EIF2S2: variants seen among roughly 807,000 people sequenced by gnomAD.
EIF2S2 encodes the protein eukaryotic translation initiation factor 2 subunit beta, also known as eukaryotic translation initiation factor 2 subunit 2.
A neutral mutation model predicts 44.0 loss-of-function variants in EIF2S2; 4 were observed. That is an observed-to-expected ratio of 0.09 (90% CI 0.04 to 0.21). The LOEUF is 0.21. Ranked by LOEUF, EIF2S2 falls within the 10% of genes least tolerant of loss-of-function variation. EIF2S2 has a pLI of 1.00. For missense variants in EIF2S2, 154 were observed against 392.0 expected (o/e 0.39, Z 5.13); for synonymous variants, 108 against 128.3 (o/e 0.84, Z 1.07).
At chr20:34,101,588 T>C (rs1393249640) in intron 3 of EIF2S2, among the ~76,000 whole-genome samples, 1 of 152,112 alleles carries the variant, frequency 6.6e-6, no homozygotes. Context: ...TCTAGTGCTA[T>C]ACTATTATTA....
rs181868303 is a variant in EIF2S2, at chr20:34,105,311, C to T, written c.193+57G>A. ...GTCGCTGCATATCCAAAAGCCAAAA[C>T]GCTCATAGAACCAGGGCTTCTATGA... On this transcript the variant is annotated intron_variant, in intron 2 of 8. Coordinates refer to ENST00000374980, the MANE Select transcript of EIF2S2 (RefSeq NM_003908.5). 4.4e-5 allele frequency: 69 copies of T among 1,569,506 alleles called. No homozygotes were observed. The East Asian group carries it at 1.1e-3, about 25-fold the overall frequency.
At chr20:34,111,582 C>T (rs187127401) in intron 1 of EIF2S2, among the ~76,000 whole-genome samples, 138 of 152,298 alleles carry the variant, frequency 9.1e-4, no homozygotes, top group Admixed American at 2.6e-3. Flanking sequence ...ACCCCATCAC[C>T]CCCTCGTCTT....
chr20:34,108,771 T>C (rs1412612875), intron 1 of EIF2S2, among the ~76,000 whole-genome samples: 8 of 152,148 alleles, frequency 5.3e-5, no homozygotes, highest in Admixed American at 5.2e-4. Flanking sequence ...CTCTCATAGA[T>C]CATACCTTAC....
At chr20:34,095,105 G>A (rs376492764) in intron 6 of EIF2S2, among the ~76,000 whole-genome samples, 5 of 152,122 alleles carry the variant, frequency 3.3e-5, no homozygotes, top group Non-Finnish European at 7.4e-5. Context: ...TAAAAACCTG[G>A]GAGCAGCCAC....
chr20:34,089,600 GACCA>G lies in EIF2S2; in HGVS notation c.*126_*129del. The G allele has an allele frequency of 9.9e-7, 1 of 1,008,086 alleles. No homozygotes were observed. Among genetic ancestry groups the G allele is most frequent in the Non-Finnish European group, 1.4e-6 (1 of 710,102 alleles). 62.4% of individuals were successfully genotyped at this position (1,008,086 alleles called of 1,614,324 possible). ...GCATCAGCGTCTTGCAAGGACTTCAGACCAACCACTCGCCAAAAATCTTGGCAGC... is the reference window on the plus strand; with the variant it reads ...GCATCAGCGTCTTGCAAGGACTTCAGACCACTCGCCAAAAATCTTGGCAGC... On this transcript the variant is annotated 3_prime_UTR_variant, in exon 9 of 9. Coordinates refer to ENST00000374980, the MANE Select transcript of EIF2S2 (RefSeq NM_003908.5).
intron 1 of EIF2S2, among the ~76,000 whole-genome samples, chr20:34,107,995 T>C (rs2075439120): frequency 1.3e-5 from 2 of 152,132 alleles, no homozygotes; most frequent in African/African-American, 4.8e-5. Flanking sequence ...TACAGGGAAG[T>C]AGCTACATTT....
In EIF2S2 at chr20:34,088,945, C is replaced by G. The variant is rs6057977; in HGVS notation, c.*785G>C. ...CTCCTCCTCCTCTTGGAGGAGTTTC[C>G]TGAACCGCACACACATCGCTTCCTC... On this transcript the variant is annotated 3_prime_UTR_variant, in exon 9 of 9. Coordinates refer to ENST00000374980, the MANE Select transcript of EIF2S2 (RefSeq NM_003908.5). 6.6e-6 allele frequency: 1 copy of G among 152,570 alleles called. No individual in the cohort carries two copies. Among genetic ancestry groups the G allele is most frequent in the Non-Finnish European group, 1.5e-5 (1 of 68,036 alleles). 9.5% of individuals were successfully genotyped at this position (152,570 alleles called of 1,614,324 possible).
At chr20:34,091,021 G>A (rs2034156410) in intron 7 of EIF2S2, among the ~76,000 whole-genome samples, 1 of 152,078 alleles carries the variant, frequency 6.6e-6, no homozygotes, top group Non-Finnish European at 1.5e-5. Flanking sequence ...AAACTGCTGG[G>A]ATTACAGGTG....
chr20:34,099,368 A>G (rs1201820207), intron 3 of EIF2S2, among the ~76,000 whole-genome samples: 3 of 152,174 alleles, frequency 2.0e-5, no homozygotes, highest in Non-Finnish European at 2.9e-5. Context: ...AAAGAAAAAA[A>G]AAAAAAAGAA....
intron 3 of EIF2S2, among the ~76,000 whole-genome samples, chr20:34,100,785 G>T (rs1378751770): frequency 1.3e-5 from 2 of 152,126 alleles, no homozygotes; most frequent in Non-Finnish European, 2.9e-5. Flanking sequence ...GAATGGAATG[G>T]AAACAAAGTA....
chr20:34,097,025 T>A (rs1165315322), intron 5 of EIF2S2, among the ~76,000 whole-genome samples: 1 of 152,238 alleles, frequency 6.6e-6, no homozygotes, highest in African/African-American at 2.4e-5. Flanking sequence ...GTGAAATGAA[T>A]GAACAACCAC....
intron 4 of EIF2S2, among the ~76,000 whole-genome samples, chr20:34,097,843 A>G (rs184183072): frequency 9.6e-4 from 146 of 152,358 alleles, no homozygotes; most frequent in African/African-American, 3.3e-3. Flanking sequence ...TGAGCACTTA[A>G]GAAACATCAA....
rs764572863 is a variant in EIF2S2 at position 34,093,657 on chromosome 20, A to G, written c.740+18T>C. 2 of 1,591,040 alleles carry G rather than the reference A, an allele frequency of 1.3e-6. No homozygotes were observed. Among genetic ancestry groups the G allele is most frequent in the South Asian group, 2.3e-5 (2 of 88,816 alleles). On this transcript the variant is annotated intron_variant, in intron 7 of 8. Transcript: ENST00000374980. ...AAATGTCCAGCAGTACTGTATGTAAATGTATACAGTTTCTTACCTTGTACC... is the reference window on the plus strand; with the variant it reads ...AAATGTCCAGCAGTACTGTATGTAAGTGTATACAGTTTCTTACCTTGTACC...
chr20:34,111,531 A>C (rs2034412252), intron 1 of EIF2S2, among the ~76,000 whole-genome samples: 1 of 152,200 alleles, frequency 6.6e-6, no homozygotes. Flanking sequence ...CGGGAAGGTC[A>C]GTCACTTCCT....
intron 6 of EIF2S2, among the ~76,000 whole-genome samples, chr20:34,094,831 G>GT (rs1368172740): frequency 6.6e-6 from 1 of 152,004 alleles, no homozygotes; most frequent in Non-Finnish European, 1.5e-5. Context: ...CAACAAGCAG[G>GT]TGCTAACTAC....
At chr20:34,111,496 C>T (rs2034411509) in intron 1 of EIF2S2, among the ~76,000 whole-genome samples, 1 of 152,204 alleles carries the variant, frequency 6.6e-6, no homozygotes. Context: ...TTAAGGGAAG[C>T]TCAGGGGCTC....
At chr20:34,101,966 C>T (rs927128663) in intron 3 of EIF2S2, among the ~76,000 whole-genome samples, 3 of 152,130 alleles carry the variant, frequency 2.0e-5, no homozygotes, top group Non-Finnish European at 2.9e-5. Flanking sequence ...TGAGACAGCA[C>T]GTCCAGTCTG....
rs2034194962 is a variant in EIF2S2 at position 34,093,662 on chromosome 20, TAC to T, written c.740+11_740+12del. On this transcript the variant is annotated intron_variant, in intron 7 of 8. Coordinates refer to ENST00000374980, the MANE Select transcript of EIF2S2 (RefSeq NM_003908.5). Reference sequence around the variant, plus strand: ...TCCAGCAGTACTGTATGTAAATGTATACAGTTTCTTACCTTGTACCCAATTCA... The same window carrying T: ...TCCAGCAGTACTGTATGTAAATGTATAGTTTCTTACCTTGTACCCAATTCA... 3 of 1,602,488 alleles carry T rather than the reference TAC, an allele frequency of 1.9e-6. No individual in the cohort carries two copies. The highest frequency in any genetic ancestry group is 1.7e-5 in the Admixed American group (1 of 59,266).
At chr20:34,102,242 C>T (rs1216295694) in intron 3 of EIF2S2, among the ~76,000 whole-genome samples, 3 of 152,186 alleles carry the variant, frequency 2.0e-5, no homozygotes, top group African/African-American at 7.2e-5. Context: ...CTCTACATGT[C>T]GCCCTGTTAC....
Sources: allele counts gnomAD v4.1 joint callset (sites outside exome capture counted in the v4.1 genomes callset), GRCh38; gene constraint gnomAD v4.1.1; transcripts MANE v1.5; gene names NCBI Gene and HGNC (gene_info 2026-07-23, HGNC 2026-07-21).